RERE: variants seen among roughly 807,000 people sequenced by gnomAD.
RERE encodes arginine-glutamic acid dipeptide repeats.
RERE carries 40 observed loss-of-function variants against 146.1 expected under a neutral mutation model. That is an observed-to-expected ratio of 0.27 (90% confidence interval 0.21 to 0.36). The LOEUF is 0.36. Among genes scored for constraint, RERE ranks in the 10% least tolerant of loss-of-function variants. The pLI is 1.00. For missense variants in RERE, 1,933 were observed against 2,138.7 expected (o/e 0.90, Z 1.90); for synonymous variants, 1,003 against 866.0 (o/e 1.16, Z -2.78).
chr1:8,806,710 T>C (rs1641700062), intron 1 of RERE: 1 of 152,092 alleles, frequency 6.6e-6, no homozygotes, highest in Non-Finnish European at 1.5e-5. Flanking sequence ...GGCCTCTTCC[T>C]CCGGGAGTTT....
At chr1:8,582,415 C>CTT (rs752263040) in intron 4 of RERE, among the ~76,000 whole-genome samples, 1 of 128,336 alleles carries the variant, frequency 7.8e-6, no homozygotes, top group Non-Finnish European at 1.7e-5. Context: ...AACTTTTTTT[C>CTT]TTTTTTTTTT....
chr1:8,677,449 G>GAAAAAAAAA, intron 1 of RERE, among the ~76,000 whole-genome samples: 1 of 96,912 alleles, frequency 1.0e-5, no homozygotes. Context: ...AAGAAAGAAA[G>GAAAAAAAAA]AAAAGAAAAA....
chr1:8,791,902 A>G (rs1483365727), intron 1 of RERE, among the ~76,000 whole-genome samples: 1 of 152,184 alleles, frequency 6.6e-6, no homozygotes, highest in African/African-American at 2.4e-5. Context: ...ATCTCCCAGA[A>G]TTTATCATCA....
chr1:8,575,952 T>C (rs186845081), intron 4 of RERE, among the ~76,000 whole-genome samples: 2 of 152,236 alleles, frequency 1.3e-5, no homozygotes, highest in Admixed American at 6.5e-5. Flanking sequence ...TGTTCTAAAA[T>C]GAAGAGGATT....
chr1:8,612,338 C>A (rs545500076), intron 4 of RERE, among the ~76,000 whole-genome samples: 1 of 152,296 alleles, frequency 6.6e-6, no homozygotes, highest in South Asian at 2.1e-4. Context: ...GCTTTGCCAA[C>A]TGGATCTGAT....
At chr1:8,766,886 TTATC>T (rs1316676654) in intron 1 of RERE, among the ~76,000 whole-genome samples, 1 of 152,198 alleles carries the variant, frequency 6.6e-6, no homozygotes, top group African/African-American at 2.4e-5. Flanking sequence ...TCTTGGGCAT[TTATC>T]TAATTTTAAA....
At chr1:8,562,091 T>C (rs921593124) in intron 4 of RERE, among the ~76,000 whole-genome samples, 9 of 152,114 alleles carry the variant, frequency 5.9e-5, no homozygotes, top group Non-Finnish European at 1.0e-4. Context: ...AGCAAGTGGA[T>C]GAGCTCAAAA....
intron 11 of RERE, among the ~76,000 whole-genome samples, chr1:8,459,528 G>C (rs780088751): frequency 2.6e-5 from 4 of 152,186 alleles, no homozygotes; most frequent in African/African-American, 7.2e-5. Context: ...GGTTCCAAAT[G>C]AATTGTAAAA....
Position 8,751,460 on chromosome 1 carries a change from G to C in RERE, c.-145+65700C>G, listed in dbSNP as rs146042495. On this transcript the variant is annotated intron_variant, in intron 1 of 22. Transcript: ENST00000400908. The stretch of plus-strand genomic sequence containing the variant: ...CTATGGGAAAACCTCTCTGATGGAA[G>C]AATTTAAGAGAAGGGTGGAAGGGAG... Among the ~76,000 whole-genome samples, 584 of 152,274 alleles carry C rather than the reference G, an allele frequency of 3.8e-3. 3 individuals are homozygous for C. Among genetic ancestry groups the C allele is most frequent in the African/African-American group, 0.013 (545 of 41,554 alleles).
At chr1:8,691,085 A>AC (rs1003537819) in intron 1 of RERE, among the ~76,000 whole-genome samples, 1 of 151,926 alleles carries the variant, frequency 6.6e-6, no homozygotes, top group Non-Finnish European at 1.5e-5. Context: ...TTTAGTACAG[A>AC]CGGGGTTTTA....
In RERE at chr1:8,575,553, A is replaced by T. The variant is rs868444390; in HGVS notation, c.523-18030T>A. ...TAATTTAATATATATATATATATAT[A>T]TATATATATTTTTTTTTTTTTTGGC... On this transcript the variant is annotated intron_variant, in intron 4 of 22. Transcript: ENST00000400908. 4.6e-3 allele frequency among the ~76,000 whole-genome samples: 306 copies of T among 66,312 alleles called. 5 individuals carry two copies. Among genetic ancestry groups the T allele is most frequent in the African/African-American group, 0.022 (284 of 12,830 alleles). 43.5% of individuals were successfully genotyped at this position (66,312 alleles called of 152,430 possible). A position where few individuals can be genotyped will look rare whatever the true frequency, so the allele number is the denominator to read the frequency against.
chr1:8,460,121 G>A (rs1345468068), intron 11 of RERE, among the ~76,000 whole-genome samples: 1 of 152,132 alleles, frequency 6.6e-6, no homozygotes, highest in East Asian at 1.9e-4. Context: ...ATTTTGCTGT[G>A]AATTCCATTT....
chr1:8,713,807 T>C (rs1639713350), intron 1 of RERE, among the ~76,000 whole-genome samples: 1 of 152,162 alleles, frequency 6.6e-6, no homozygotes, highest in South Asian at 2.1e-4. Context: ...AGTCTTAACA[T>C]ACCTAACATT....
At chr1:8,541,865 T>C (rs529088048) in intron 6 of RERE, among the ~76,000 whole-genome samples, 73 of 152,296 alleles carry the variant, frequency 4.8e-4, no homozygotes, top group African/African-American at 1.7e-3. Flanking sequence ...CTTTTTTGCA[T>C]AAACATGGGC....
At chr1:8,505,810 C>A (rs116055998) in intron 8 of RERE, among the ~76,000 whole-genome samples, 121 of 152,234 alleles carry the variant, frequency 7.9e-4, no homozygotes, top group African/African-American at 2.8e-3. Flanking sequence ...GGATTACAGG[C>A]GTGAGCCAAA....
chr1:8,515,167 T>C (rs1402426624), intron 7 of RERE, among the ~76,000 whole-genome samples: 1 of 152,044 alleles, frequency 6.6e-6, no homozygotes, highest in Non-Finnish European at 1.5e-5. Flanking sequence ...GCTCAGGAGT[T>C]TGAGACCAGC....
intron 1 of RERE, among the ~76,000 whole-genome samples, chr1:8,720,859 C>T (rs938933996): frequency 6.6e-6 from 1 of 152,142 alleles, no homozygotes; most frequent in Non-Finnish European, 1.5e-5. Context: ...AGTTTGAGAC[C>T]AGCCTGACCA....
chr1:8,598,862 T>C (rs1366890022), intron 4 of RERE, among the ~76,000 whole-genome samples: 1 of 152,218 alleles, frequency 6.6e-6, no homozygotes, highest in African/African-American at 2.4e-5. Context: ...CCAAAAAATC[T>C]TTCATGAACA....
intron 12 of RERE, among the ~76,000 whole-genome samples, chr1:8,419,535 A>G (rs897949246): frequency 1.3e-5 from 2 of 152,230 alleles, no homozygotes; most frequent in African/African-American, 4.8e-5. Context: ...AATGAAAAAC[A>G]GGTAACTTAT....
Sources: allele counts gnomAD v4.1 joint callset (sites outside exome capture counted in the v4.1 genomes callset), GRCh38; gene constraint gnomAD v4.1.1; transcripts MANE v1.5; gene names NCBI Gene and HGNC (gene_info 2026-07-23, HGNC 2026-07-21).